The following JAKMIP2 variants were observed in gnomAD, a reference collection of about 807,000 sequenced individuals.
The protein encoded by JAKMIP2 is janus kinase and microtubule-interacting protein 2.
Under a neutral mutation model 115.0 loss-of-function variants are expected in JAKMIP2, and 25 were observed. The observed-to-expected ratio is 0.22, with a 90% CI of 0.16 to 0.30. The LOEUF (loss-of-function observed/expected upper bound fraction) is 0.30. Ranked by LOEUF, JAKMIP2 falls within the 10% of genes least tolerant of loss-of-function variation. The pLI is 1.00. For synonymous variants in JAKMIP2, 334 were observed against 343.6 expected, an observed-to-expected ratio of 0.97 and a Z score of 0.31; for missense variants, 642 against 957.6, an observed-to-expected ratio of 0.67 and a Z score of 4.35.
intron 1 of JAKMIP2, among the ~76,000 whole-genome samples, chr5:147,721,416 G>A (rs907534411): frequency 1.3e-5 from 2 of 152,250 alleles, no homozygotes; most frequent in African/African-American, 4.8e-5. Flanking sequence ...ACCTCAGCAA[G>A]CCTGGGCAAT....
In JAKMIP2 at chr5:147,588,916, G is replaced by A. The variant is rs1336465694; in HGVS notation, c.*2791C>T. 6.6e-6 allele frequency: 1 copy of A among 151,994 alleles called. No homozygotes were observed. The highest frequency in any genetic ancestry group is 1.5e-5 in the Non-Finnish European group (1 of 67,998). The allele number at this position is 151,994 out of a possible 1,614,324, so 9.4% of individuals were successfully genotyped here. On this transcript the variant is annotated 3_prime_UTR_variant, in exon 22 of 22. Coordinates refer to ENST00000616793, the MANE Select transcript of JAKMIP2 (RefSeq NM_001270941.2). Reference sequence around the variant, plus strand: ...GGGTGGGAAAGCAAAATTAAGAGAAGGAAGGTGTGTGTTGGAGCAGACGGA... The same window carrying A: ...GGGTGGGAAAGCAAAATTAAGAGAAAGAAGGTGTGTGTTGGAGCAGACGGA...
At chr5:147,642,622 GGAGTAAT>G (rs2126722170) in intron 7 of JAKMIP2, among the ~76,000 whole-genome samples, 1 of 151,638 alleles carries the variant, frequency 6.6e-6, no homozygotes, top group East Asian at 1.9e-4. Context: ...AGGAAAACAG[GGAGTAAT>G]GAGTAATCTT....
rs1299260264 is a variant in JAKMIP2, at chr5:147,674,255, A to G, written c.-148-2301T>C. Among the ~76,000 whole-genome samples, 3 of 152,118 alleles carry G rather than the reference A, an allele frequency of 2.0e-5. No homozygotes were observed. The South Asian group carries it at 6.2e-4, about 32-fold the overall frequency. On this transcript the variant is annotated intron_variant, in intron 1 of 21. Coordinates refer to ENST00000616793, the MANE Select transcript of JAKMIP2 (RefSeq NM_001270941.2). Reference sequence around the variant, plus strand: ...ATTCCTTGTTTCTCTTATTCAGTTCACTAAGAAGTTCTGCTTGCTTTGTAT... The same window carrying G: ...ATTCCTTGTTTCTCTTATTCAGTTCGCTAAGAAGTTCTGCTTGCTTTGTAT...
chr5:147,701,163 T>A (rs2126884604), intron 1 of JAKMIP2, among the ~76,000 whole-genome samples: 1 of 152,218 alleles, frequency 6.6e-6, no homozygotes, highest in South Asian at 2.1e-4. Context: ...GGAATATGAT[T>A]CTGGAAAGGG....
At position 147,687,810 on chromosome 5, in the gene JAKMIP2, A is replaced by G. The variant is rs1022269807; in HGVS notation, c.-148-15856T>C. Reference sequence around the variant, plus strand: ...AATCTTTCTACATGCCAAGCACAGTATTTACCACTGTACATGTATTAACTC... The same window carrying G: ...AATCTTTCTACATGCCAAGCACAGTGTTTACCACTGTACATGTATTAACTC... On this transcript the variant is annotated intron_variant, in intron 1 of 21. Transcript: ENST00000616793. 3.3e-5 allele frequency among the ~76,000 whole-genome samples: 5 copies of G among 152,202 alleles called. No individual in the cohort carries two copies. In the South Asian group the frequency reaches 1.0e-3, roughly 32 times the overall value.
At position 147,682,454 on chromosome 5, in the gene JAKMIP2, G is replaced by T. The variant is rs189786523; in HGVS notation, c.-148-10500C>A. ...GAATGAACTAAGAAGGTGAACACAG[G>T]TATACAAAGAACAGTTAGGAGAATG... On this transcript the variant is annotated intron_variant, in intron 1 of 21. Transcript: ENST00000616793. 3.3e-5 allele frequency among the ~76,000 whole-genome samples: 5 copies of T among 152,260 alleles called. No individual in the cohort carries two copies. In the East Asian group the frequency reaches 9.7e-4, roughly 29 times the overall value.
At chr5:147,724,541 A>G (rs1250469183) in intron 1 of JAKMIP2, among the ~76,000 whole-genome samples, 2 of 152,196 alleles carry the variant, frequency 1.3e-5, no homozygotes, top group African/African-American at 4.8e-5. Context: ...AAAATTGATC[A>G]AATAAAAACC....
intron 2 of JAKMIP2, among the ~76,000 whole-genome samples, chr5:147,669,432 C>T (rs781215935): frequency 7.2e-5 from 11 of 152,274 alleles, no homozygotes; most frequent in Admixed American, 2.0e-4. Flanking sequence ...GCTTAGACAA[C>T]GGTGCCAGGC....
At chr5:147,680,664 C>T (rs1020276185) in intron 1 of JAKMIP2, among the ~76,000 whole-genome samples, 1 of 152,150 alleles carries the variant, frequency 6.6e-6, no homozygotes, top group African/African-American at 2.4e-5. Context: ...AGTAAACTTG[C>T]ATACTTTATT....
At chr5:147,756,773 T>C (rs1477107638) in intron 1 of JAKMIP2, among the ~76,000 whole-genome samples, 1 of 152,098 alleles carries the variant, frequency 6.6e-6, no homozygotes, top group African/African-American at 2.4e-5. Context: ...ATGTGGTAGC[T>C]GCTGTTTCCA....
At chr5:147,644,592 C>T (rs898927113) in intron 6 of JAKMIP2, among the ~76,000 whole-genome samples, 2 of 152,208 alleles carry the variant, frequency 1.3e-5, no homozygotes, top group African/African-American at 2.4e-5. Context: ...TATGTCAAAG[C>T]TTTCCTTCTC....
At chr5:147,685,368 G>C (rs188860860) in intron 1 of JAKMIP2, among the ~76,000 whole-genome samples, 38 of 152,256 alleles carry the variant, frequency 2.5e-4, no homozygotes, top group African/African-American at 9.1e-4. Context: ...AATAAGAAAA[G>C]CTAATATTTT....
intron 1 of JAKMIP2, among the ~76,000 whole-genome samples, chr5:147,734,501 A>AG (rs1753846488): frequency 4.4e-5 from 1 of 22,704 alleles, no homozygotes; most frequent in African/African-American, 1.9e-4. Context: ...GGCCTGTTGG[A>AG]GGGTGGGGGG....
chr5:147,768,228 G>GGTCT (rs1485609053), intron 1 of JAKMIP2, among the ~76,000 whole-genome samples: 1 of 151,870 alleles, frequency 6.6e-6, no homozygotes, highest in Non-Finnish European at 1.5e-5. Context: ...AAGGCCTCTG[G>GGTCT]GTCTCTCAGC....
At chr5:147,615,786 C>T (rs1410638570) in intron 19 of JAKMIP2, among the ~76,000 whole-genome samples, 1 of 150,650 alleles carries the variant, frequency 6.6e-6, no homozygotes, top group Non-Finnish European at 1.5e-5. Context: ...AATTCTCTGT[C>T]TAGCACAGTA....
chr5:147,618,450 G>T (rs557730869), intron 18 of JAKMIP2, among the ~76,000 whole-genome samples: 1 of 152,160 alleles, frequency 6.6e-6, no homozygotes, highest in Non-Finnish European at 1.5e-5. Flanking sequence ...CTACTTGACA[G>T]CTCTGGCCAG....
chr5:147,701,264 G>A (rs1378405461), intron 1 of JAKMIP2, among the ~76,000 whole-genome samples: 1 of 152,156 alleles, frequency 6.6e-6, no homozygotes, highest in Non-Finnish European at 1.5e-5. Flanking sequence ...CTGGTTTGTG[G>A]TTGATTAGTG....
intron 1 of JAKMIP2, among the ~76,000 whole-genome samples, chr5:147,704,804 C>T (rs1752502775): frequency 6.6e-6 from 1 of 152,072 alleles, no homozygotes. Flanking sequence ...TGCAGAAAGG[C>T]TCTATGGTGG....
At position 147,641,828 on chromosome 5, in the gene JAKMIP2, A is replaced by G. The variant is rs994476580; in HGVS notation, c.1225-64T>C. On this transcript the variant is annotated intron_variant, in intron 7 of 21. Transcript: ENST00000616793. ...TAGATGTTTCTTTATAGTTTTTTGC[A>G]AAGACAGAGTGTTCTTTCCCATAAG... 3 of 1,334,938 alleles carry G rather than the reference A, an allele frequency of 2.2e-6. No homozygotes were observed. In the African/African-American group the frequency reaches 4.3e-5, roughly 19 times the overall value. 82.7% of individuals were successfully genotyped at this position (1,334,938 alleles called of 1,614,324 possible). A position where few individuals can be genotyped will look rare whatever the true frequency, so the allele number is the denominator to read the frequency against.
Sources: allele counts gnomAD v4.1 joint callset (sites outside exome capture counted in the v4.1 genomes callset), GRCh38; gene constraint gnomAD v4.1.1; transcripts MANE v1.5; gene names NCBI Gene and HGNC (gene_info 2026-07-23, HGNC 2026-07-21).